MDFIC2: variants seen among roughly 807,000 people sequenced by gnomAD.
The protein encoded by MDFIC2 is myoD family inhibitor domain-containing protein 2.
chr3:70,259,259 A>C (rs1436633806), intron 2 of MDFIC2, among the ~76,000 whole-genome samples: 2 of 152,144 alleles, frequency 1.3e-5, no homozygotes, highest in Non-Finnish European at 2.9e-5. Context: ...TAAGAGTTGG[A>C]ATTTCACATT....
intron 2 of MDFIC2, among the ~76,000 whole-genome samples, chr3:70,210,823 G>C (rs1701336137): frequency 6.6e-6 from 1 of 152,040 alleles, no homozygotes; most frequent in Non-Finnish European, 1.5e-5. Context: ...TTGGGCTACA[G>C]GTAATTGCAA....
chr3:70,225,453 A>C (rs1701494797), intron 2 of MDFIC2, among the ~76,000 whole-genome samples: 1 of 152,204 alleles, frequency 6.6e-6, no homozygotes, highest in African/African-American at 2.4e-5. Flanking sequence ...TTATCTCAAA[A>C]ACATTGTAAA....
chr3:70,247,593 T>C (rs530107627), intron 2 of MDFIC2, among the ~76,000 whole-genome samples: 1 of 152,056 alleles, frequency 6.6e-6, no homozygotes, highest in Admixed American at 6.6e-5. Flanking sequence ...CTATTAGAAT[T>C]TTAATATATA....
At chr3:70,311,786 A>T in intron 2 of MDFIC2, 100 bp downstream of exon 2, 1 of 392,698 alleles carries the variant, frequency 2.5e-6, no homozygotes, top group African/African-American at 2.1e-5. Context: ...CTACTATTTG[A>T]ACGGTCAGGA....
intron 2 of MDFIC2, among the ~76,000 whole-genome samples, chr3:70,233,261 AG>A (rs1243484722): frequency 6.6e-6 from 1 of 152,104 alleles, no homozygotes; most frequent in Non-Finnish European, 1.5e-5. Flanking sequence ...AAAAGATAAA[AG>A]CTGAAATCTG....
intron 2 of MDFIC2, among the ~76,000 whole-genome samples, chr3:70,269,429 C>A (rs1701954236): frequency 6.6e-6 from 1 of 152,186 alleles, no homozygotes; most frequent in Non-Finnish European, 1.5e-5. Context: ...CAAAGGCAGT[C>A]AACTGTTCTA....
intron 2 of MDFIC2, among the ~76,000 whole-genome samples, chr3:70,279,630 C>A (rs987792128): frequency 6.6e-6 from 1 of 152,124 alleles, no homozygotes; most frequent in African/African-American, 2.4e-5. Flanking sequence ...TGCTCTCTTG[C>A]GCTACATGCT....
chr3:70,227,512 A>T (rs1478021366), intron 2 of MDFIC2, among the ~76,000 whole-genome samples: 1 of 152,210 alleles, frequency 6.6e-6, no homozygotes, highest in Non-Finnish European at 1.5e-5. Flanking sequence ...ATTTCGATAG[A>T]GGGACAAGGC....
intron 2 of MDFIC2, among the ~76,000 whole-genome samples, chr3:70,236,261 T>C (rs2106748800): frequency 6.6e-6 from 1 of 152,284 alleles, no homozygotes; most frequent in South Asian, 2.1e-4. Flanking sequence ...CCAAAATAAC[T>C]TTTCCAGAGA....
At chr3:70,230,513 TAC>T (rs984353715) in intron 2 of MDFIC2, among the ~76,000 whole-genome samples, 3 of 137,058 alleles carry the variant, frequency 2.2e-5, no homozygotes, top group South Asian at 2.4e-4. Context: ...TATATATATA[TAC>T]AGTTTTGCAA....
intron 2 of MDFIC2, among the ~76,000 whole-genome samples, chr3:70,222,882 A>G (rs963890038): frequency 1.3e-5 from 2 of 152,192 alleles, no homozygotes; most frequent in Non-Finnish European, 2.9e-5. Flanking sequence ...GTCAAGGTCA[A>G]TCTGAGAGGA....
intron 2 of MDFIC2, among the ~76,000 whole-genome samples, chr3:70,267,264 G>A (rs115271479): frequency 0.031 from 4,661 of 152,068 alleles, 108 homozygotes; most frequent in Non-Finnish European, 0.048. Context: ...GAATTGATGG[G>A]TAAATCTTAA....
intron 2 of MDFIC2, among the ~76,000 whole-genome samples, chr3:70,209,375 A>G (rs1488546110): frequency 6.6e-6 from 1 of 151,982 alleles, no homozygotes. Flanking sequence ...ACTGCTTTAC[A>G]CACACACACA....
intron 2 of MDFIC2, among the ~76,000 whole-genome samples, chr3:70,210,962 C>T (rs980834901): frequency 2.6e-5 from 4 of 152,032 alleles, no homozygotes; most frequent in Non-Finnish European, 5.9e-5. Context: ...ACAGATGAAT[C>T]AATGTGACAG....
chr3:70,299,135 C>T (rs940151169), intron 2 of MDFIC2, among the ~76,000 whole-genome samples: 2 of 151,994 alleles, frequency 1.3e-5, no homozygotes, highest in Non-Finnish European at 2.9e-5. Context: ...GCCTGAATAT[C>T]CAAACATAGG....
At chr3:70,214,541 A>AT (rs1481269319) in intron 2 of MDFIC2, among the ~76,000 whole-genome samples, 3 of 151,760 alleles carry the variant, frequency 2.0e-5, no homozygotes, top group African/African-American at 7.3e-5. Flanking sequence ...AAGGCTGAGC[A>AT]TGGCCCCCTC....
intron 2 of MDFIC2, among the ~76,000 whole-genome samples, chr3:70,297,496 G>A (rs1356233709): frequency 2.0e-5 from 3 of 152,022 alleles, no homozygotes; most frequent in African/African-American, 7.2e-5. Flanking sequence ...TATAATCTCT[G>A]TAGTTTCAAT....
At chr3:70,222,726 C>A (rs1227492338) in intron 2 of MDFIC2, among the ~76,000 whole-genome samples, 1 of 152,116 alleles carries the variant, frequency 6.6e-6, no homozygotes, top group Non-Finnish European at 1.5e-5. Flanking sequence ...ACAAAGTTGT[C>A]TCTTGGTGAT....
chr3:70,227,818 CTG>C (rs1460237711), intron 2 of MDFIC2, among the ~76,000 whole-genome samples: 1 of 152,060 alleles, frequency 6.6e-6, no homozygotes, highest in African/African-American at 2.4e-5. Context: ...GTAATACAAA[CTG>C]TGAATTATAA....
Sources: allele counts gnomAD v4.1 joint callset (sites outside exome capture counted in the v4.1 genomes callset), GRCh38; gene constraint gnomAD v4.1.1; transcripts MANE v1.5; gene names NCBI Gene and HGNC (gene_info 2026-07-23, HGNC 2026-07-21).